The following EPB41L1 variants were observed in gnomAD, a reference collection of about 807,000 sequenced individuals.
EPB41L1 encodes erythrocyte membrane protein band 4.1 like 1, also known as band 4.1-like protein 1.
EPB41L1 carries 29 observed loss-of-function variants against 97.8 expected under a neutral mutation model. The observed-to-expected ratio is 0.30, with a 90% CI of 0.22 to 0.40. The LOEUF is 0.40. Ranked by LOEUF, EPB41L1 falls within the 10% of genes least tolerant of loss-of-function variation. EPB41L1 has a pLI of 1.00. For synonymous variants in EPB41L1, 383 were observed against 459.2 expected, an observed-to-expected ratio of 0.83 and a Z score of 2.12; for missense variants, 812 against 1,162.3, an observed-to-expected ratio of 0.70 and a Z score of 4.38.
chr20:36,170,676 C>T (rs919516223), intron 1 of EPB41L1, among the ~76,000 whole-genome samples: 1 of 152,056 alleles, frequency 6.6e-6, no homozygotes, highest in Non-Finnish European at 1.5e-5. Flanking sequence ...AGAAGGCAGA[C>T]CTAGAGTTAG....
At chr20:36,139,740 A>ATTTATTTATTTATTTATTTATTTTATTT (rs943742073) in intron 2 of EPB41L1, among the ~76,000 whole-genome samples, 4 of 151,762 alleles carry the variant, frequency 2.6e-5, no homozygotes, top group African/African-American at 9.7e-5. Context: ...TTATTTATTT[A>ATTTATTTATTTATTTATTTATTTTATTT]TTTTTTTTAA....
intron 1 of EPB41L1, among the ~76,000 whole-genome samples, chr20:36,162,407 A>G (rs1169940860): frequency 6.6e-6 from 1 of 152,210 alleles, no homozygotes; most frequent in African/African-American, 2.4e-5. Flanking sequence ...TTGAGTGGGG[A>G]GAGCACTGGA....
chr20:36,164,629 A>T (rs1301710644), intron 1 of EPB41L1, among the ~76,000 whole-genome samples: 5 of 152,340 alleles, frequency 3.3e-5, no homozygotes, highest in African/African-American at 1.2e-4. Flanking sequence ...TGTCATAAGC[A>T]TCTATAACAT....
chr20:36,177,752 G>A (rs1397791487), intron 3 of EPB41L1, among the ~76,000 whole-genome samples, 200 bp from the exon 4 acceptor site: 1 of 152,224 alleles, frequency 6.6e-6, no homozygotes, highest in African/African-American at 2.4e-5. Context: ...AGGCCATCAA[G>A]GAGCTGGCCA....
chr20:36,148,148 CT>C (rs2059909988), intron 2 of EPB41L1, among the ~76,000 whole-genome samples: 1 of 152,162 alleles, frequency 6.6e-6, no homozygotes, highest in African/African-American at 2.4e-5. Flanking sequence ...ATATTGTGAA[CT>C]GGGCACTGAT....
chr20:36,120,626 C>T (rs1377680831), intron 2 of EPB41L1, among the ~76,000 whole-genome samples: 1 of 152,198 alleles, frequency 6.6e-6, no homozygotes, highest in Non-Finnish European at 1.5e-5. Context: ...TCTCTTTCTC[C>T]TACCGACCAC....
intron 3 of EPB41L1, among the ~76,000 whole-genome samples, chr20:36,177,140 G>C (rs138362659): frequency 5.3e-5 from 8 of 152,228 alleles, no homozygotes; most frequent in South Asian, 2.1e-4. Context: ...GCTTGGTCCC[G>C]AGGGCCCAGC....
intron 2 of EPB41L1, among the ~76,000 whole-genome samples, chr20:36,131,074 C>G (rs1201767722): frequency 1.3e-5 from 2 of 151,688 alleles, no homozygotes; most frequent in African/African-American, 4.8e-5. Context: ...CTCCTGGGTT[C>G]AAGTGATTCT....
chr20:36,163,729 G>C (rs2060624493), intron 1 of EPB41L1, among the ~76,000 whole-genome samples: 1 of 152,174 alleles, frequency 6.6e-6, no homozygotes, highest in Non-Finnish European at 1.5e-5. Flanking sequence ...TGAGTTCCGT[G>C]ACTGGTAGAG....
chr20:36,146,848 G>GA (rs746670753), intron 2 of EPB41L1, among the ~76,000 whole-genome samples: 1,349 of 133,274 alleles, frequency 0.01, 27 homozygotes, highest in African/African-American at 0.032. Context: ...CTGTTGAAAA[G>GA]AAAAAAAAAA....
chr20:36,120,388 G>A (rs942850290), intron 2 of EPB41L1, among the ~76,000 whole-genome samples: 1 of 152,222 alleles, frequency 6.6e-6, no homozygotes, highest in African/African-American at 2.4e-5. Flanking sequence ...AGTCAGTCCA[G>A]CTGAAGACTG....
intron 2 of EPB41L1, among the ~76,000 whole-genome samples, chr20:36,145,303 T>C (rs1646040330): frequency 6.6e-6 from 1 of 151,314 alleles, no homozygotes; most frequent in Non-Finnish European, 1.5e-5. Flanking sequence ...AGGCGGAGAA[T>C]TGCTTGAACC....
intron 1 of EPB41L1, among the ~76,000 whole-genome samples, chr20:36,103,563 G>A (rs899430753): frequency 1.5e-4 from 23 of 152,292 alleles, no homozygotes; most frequent in African/African-American, 5.3e-4. Flanking sequence ...GGGATGACAA[G>A]TCTACTGGGG....
chr20:36,106,496 C>T (rs766923703), intron 1 of EPB41L1, among the ~76,000 whole-genome samples: 9 of 152,212 alleles, frequency 5.9e-5, no homozygotes, highest in Non-Finnish European at 1.2e-4. Context: ...CTGAACACTA[C>T]AGGAGTTCCT....
intron 2 of EPB41L1, among the ~76,000 whole-genome samples, chr20:36,132,498 G>A (rs1025983673): frequency 2.5e-4 from 35 of 140,514 alleles, no homozygotes; most frequent in African/African-American, 8.8e-4. Context: ...CCTGTGCAAG[G>A]TCCCTTTTGC....
rs186078320 is a variant in EPB41L1 at position 36,214,338 on chromosome 20, C to T, written c.2185-19C>T. On this transcript the variant is annotated intron_variant, in intron 16 of 21. Coordinates refer to ENST00000338074, the MANE Select transcript of EPB41L1 (RefSeq NM_012156.2). ...TATACCCAGCTCTCCCCAGCTCTAACGACTCCTCCTCTGGTCAGCAGGTTG... is the reference window on the plus strand; with the variant it reads ...TATACCCAGCTCTCCCCAGCTCTAATGACTCCTCCTCTGGTCAGCAGGTTG... 93 of 1,610,306 alleles carry T rather than the reference C, an allele frequency of 5.8e-5. No homozygotes were observed. The Admixed American group carries it at 8.3e-4, about 14-fold the overall frequency.
intron 1 of EPB41L1, among the ~76,000 whole-genome samples, chr20:36,164,434 T>G (rs1438522773): frequency 6.6e-6 from 1 of 152,162 alleles, no homozygotes; most frequent in African/African-American, 2.4e-5. Context: ...CTCCCTCCCC[T>G]GCCCCCCATC....
At chr20:36,169,639 C>T (rs2060897283) in intron 1 of EPB41L1, among the ~76,000 whole-genome samples, 1 of 152,188 alleles carries the variant, frequency 6.6e-6, no homozygotes. Context: ...TGCCCAACCC[C>T]CTTCTTCCCA....
At chr20:36,143,621 T>TTATC (rs889904285) in intron 2 of EPB41L1, among the ~76,000 whole-genome samples, 1 of 152,138 alleles carries the variant, frequency 6.6e-6, no homozygotes, top group African/African-American at 2.4e-5. Context: ...ACCAAGGGGA[T>TTATC]TATCTATCTA....
Sources: allele counts gnomAD v4.1 joint callset (sites outside exome capture counted in the v4.1 genomes callset), GRCh38; gene constraint gnomAD v4.1.1; transcripts MANE v1.5; gene names NCBI Gene and HGNC (gene_info 2026-07-23, HGNC 2026-07-21).